APBA1: variants seen among roughly 807,000 people sequenced by gnomAD.
APBA1 encodes the protein amyloid-beta A4 precursor protein-binding family A member 1.
Under a neutral mutation model 86.6 loss-of-function variants are expected in APBA1, and 55 were observed. That is an observed-to-expected ratio of 0.64 (90% CI 0.51 to 0.80). APBA1 has a LOEUF of 0.80. Among genes scored for constraint, APBA1 ranks in the 30% least tolerant of loss-of-function variants. The pLI is 0.00. For synonymous variants in APBA1, 511 were observed against 493.9 expected (o/e 1.03, Z -0.46); for missense variants, 1,090 against 1,183.0 (o/e 0.92, Z 1.15).
chr9:69,608,204 G>A (rs937418538), intron 1 of APBA1, among the ~76,000 whole-genome samples: 9 of 152,128 alleles, frequency 5.9e-5, no homozygotes, highest in African/African-American at 1.9e-4. Flanking sequence ...AGAAATCACA[G>A]AATCTTCTTA....
At chr9:69,540,621 A>G (rs2133917271) in intron 1 of APBA1, among the ~76,000 whole-genome samples, 1 of 152,240 alleles carries the variant, frequency 6.6e-6, no homozygotes, top group South Asian at 2.1e-4. Flanking sequence ...TATTTTAGAG[A>G]CAGGGTCTCG....
At chr9:69,446,026 T>C (rs577918432) in intron 10 of APBA1, among the ~76,000 whole-genome samples, 132 of 152,280 alleles carry the variant, frequency 8.7e-4, no homozygotes, top group Admixed American at 3.0e-3. Context: ...TCAAAGTCAC[T>C]GCAAAGAGCA....
intron 2 of APBA1, among the ~76,000 whole-genome samples, chr9:69,487,384 G>A (rs1284686607): frequency 6.6e-6 from 1 of 152,086 alleles, no homozygotes; most frequent in Admixed American, 6.5e-5. Context: ...GGTGACTTCT[G>A]TAAACAGTGG....
intron 1 of APBA1, among the ~76,000 whole-genome samples, chr9:69,611,305 C>CA (rs1184528431): frequency 4.2e-4 from 43 of 102,000 alleles, no homozygotes; most frequent in Middle Eastern, 5.1e-3. Flanking sequence ...AAAAAAAAAA[C>CA]AAAAAAAAAA....
intron 1 of APBA1, among the ~76,000 whole-genome samples, chr9:69,671,621 G>A (rs577538507): frequency 2.0e-5 from 3 of 152,028 alleles, no homozygotes; most frequent in African/African-American, 7.3e-5. Flanking sequence ...AACCACACGC[G>A]TACACACACA....
At chr9:69,432,006 C>G (rs908264854) in intron 12 of APBA1, among the ~76,000 whole-genome samples, 2 of 151,794 alleles carry the variant, frequency 1.3e-5, no homozygotes, top group East Asian at 1.9e-4. Context: ...TGATGACTGA[C>G]AGCAGTGATG....
In APBA1 at chr9:69,491,157, T is replaced by C. The variant is rs578201231; in HGVS notation, c.1201-15014A>G. Among the ~76,000 whole-genome samples the C allele has an allele frequency of 2.2e-3, 332 of 152,224 alleles. 1 individual carries two copies. Among genetic ancestry groups the C allele is most frequent in the African/African-American group, 7.7e-3 (320 of 41,532 alleles). On this transcript the variant is annotated intron_variant, in intron 2 of 12. Transcript: ENST00000265381. ...GCTGCTATAAAGACACATGCACACG[T>C]ATGTTTATTGTGGCACTATTCACAA...
chr9:69,516,501 T>C lies in APBA1; in HGVS notation c.710A>G (p.His237Arg), dbSNP rs991470810. ...CTCGCCGTCGGAGCGCTCGTCGTAA[T>C]GGTGCAGCCGCGCGCCCAGGGCCTC... The part of the protein sequence containing the change: ...RQEALGARLH[H>R]YDERSDGESD... The change falls in exon 2 of 13, where the codon CAT (histidine) becomes CGT (arginine). Residue 237 changes from histidine (H) to arginine (R), a missense_variant. Transcript: ENST00000265381. This position sits in a 1 kb window ranked among gnomAD's most constrained non-coding sequence, Gnocchi z 7.3. The C allele has an allele frequency of 1.3e-6, 2 of 1,598,282 alleles. No homozygotes were observed. The highest frequency in any genetic ancestry group is 1.7e-6 in the Non-Finnish European group (2 of 1,177,886).
chr9:69,483,888 CTTTT>C (rs1835565613), intron 2 of APBA1, among the ~76,000 whole-genome samples: 1 of 152,072 alleles, frequency 6.6e-6, no homozygotes, highest in South Asian at 2.1e-4. Context: ...ACACACACAA[CTTTT>C]ATTTGGCACC....
intron 1 of APBA1, among the ~76,000 whole-genome samples, chr9:69,527,617 T>G (rs574186118): frequency 3.3e-5 from 5 of 152,218 alleles, no homozygotes; most frequent in African/African-American, 1.2e-4. Flanking sequence ...GTGCTCTTCC[T>G]ATTACATTAC....
chr9:69,459,093 C>T (rs957476884), intron 5 of APBA1, among the ~76,000 whole-genome samples: 3 of 152,214 alleles, frequency 2.0e-5, no homozygotes, highest in African/African-American at 4.8e-5. Flanking sequence ...CGCGAGCCAC[C>T]GCGCCTGGCC....
chr9:69,610,569 T>A (rs1822567096), intron 1 of APBA1, among the ~76,000 whole-genome samples: 1 of 152,152 alleles, frequency 6.6e-6, no homozygotes, highest in Non-Finnish European at 1.5e-5. Flanking sequence ...TTGTTACATG[T>A]CTGTCAATGA....
chr9:69,575,979 A>C (rs1373657086), intron 1 of APBA1, among the ~76,000 whole-genome samples: 1 of 152,266 alleles, frequency 6.6e-6, no homozygotes, highest in Non-Finnish European at 1.5e-5. Flanking sequence ...GCTAATATCC[A>C]GAATCTACAA....
chr9:69,640,511 G>GA (rs1463939350), intron 1 of APBA1, among the ~76,000 whole-genome samples: 1 of 151,748 alleles, frequency 6.6e-6, no homozygotes, highest in Admixed American at 6.6e-5. Flanking sequence ...TTTTGACTCT[G>GA]TAATATTAAT....
chr9:69,577,124 G>A (rs1588373992), intron 1 of APBA1, among the ~76,000 whole-genome samples: 1 of 152,126 alleles, frequency 6.6e-6, no homozygotes, highest in African/African-American at 2.4e-5. Context: ...ATTTCTTTGT[G>A]TTGGGAAAAC....
chr9:69,662,352 G>A (rs529368470), intron 1 of APBA1, among the ~76,000 whole-genome samples: 21 of 152,304 alleles, frequency 1.4e-4, no homozygotes, highest in Non-Finnish European at 2.5e-4. Flanking sequence ...AGTACTTAGC[G>A]CAATGCCTGA....
intron 1 of APBA1, among the ~76,000 whole-genome samples, chr9:69,634,686 C>T (rs1328531946): frequency 6.6e-6 from 1 of 152,078 alleles, no homozygotes; most frequent in African/African-American, 2.4e-5. Context: ...TAATCAAACT[C>T]CCAAAGGTCA....
intron 10 of APBA1, among the ~76,000 whole-genome samples, chr9:69,446,769 A>C (rs949491051): frequency 1.3e-5 from 2 of 152,120 alleles, no homozygotes. Context: ...CCATCTGTGC[A>C]CCTAGCATCT....
chr9:69,515,136 C>G lies in APBA1; in HGVS notation c.1200+875G>C, dbSNP rs865966599. Reference sequence around the variant, plus strand: ...AAACAAAATGAAGAAATACCCCCAACCTTTTGTGTTCTGGGAAACTCCTTC... The same window carrying G: ...AAACAAAATGAAGAAATACCCCCAAGCTTTTGTGTTCTGGGAAACTCCTTC... On this transcript the variant is annotated intron_variant, in intron 2 of 12. Transcript: ENST00000265381. Among the ~76,000 whole-genome samples the G allele has an allele frequency of 3.9e-5, 6 of 152,310 alleles. No homozygotes were observed. The Middle Eastern group carries it at 0.014, about 345-fold the overall frequency.
Sources: gnomAD v4.1 joint callset for allele counts (sites outside exome capture counted in the v4.1 genomes callset) on GRCh38, gnomAD v4.1.1 for gene constraint, Gnocchi (gnomAD v3.1) non-coding constraint, MANE v1.5 for transcripts, NCBI Gene and HGNC (gene_info 2026-07-23, HGNC 2026-07-21) for gene names.